ABCB7: variants seen among roughly 807,000 people sequenced by gnomAD.
ABCB7 encodes iron-sulfur clusters transporter ABCB7, mitochondrial.
In ABCB7, 7 loss-of-function variants were observed where a neutral mutation model predicts 54.4. That is an observed-to-expected ratio of 0.13 (90% CI 0.07 to 0.24). ABCB7 has a LOEUF of 0.24. Among genes scored for constraint, ABCB7 ranks in the 10% least tolerant of loss-of-function variants. The probability of loss-of-function intolerance (pLI) is 1.00; values close to 1 mark genes in which losing one functional copy is unlikely to be tolerated. For synonymous variants in ABCB7, 218 were observed against 207.1 expected (o/e 1.05, Z -0.45); for missense variants, 356 against 570.4 (o/e 0.62, Z 3.83).
Position 75,077,140 on chromosome X carries a change from T to A in ABCB7, c.454-486A>T, listed in dbSNP as rs5981319. Among the ~76,000 whole-genome samples, 6 of 111,827 alleles carry A rather than the reference T, an allele frequency of 5.4e-5. 1 individual carries two copies. In the South Asian group the frequency reaches 2.2e-3, roughly 41 times the overall value. On this transcript the variant is annotated intron_variant, in intron 4 of 15. Transcript: ENST00000373394. ...AAATATTTTTAAAATAATTTGGTCA[T>A]CAAAATAATGGTAAACTAAATTACA...
At chrX:75,108,831 A>G (rs761169622) in intron 3 of ABCB7, among the ~76,000 whole-genome samples, 2 of 111,570 alleles carry the variant, frequency 1.8e-5, no homozygotes, top group Non-Finnish European at 3.8e-5. Context: ...TCCATTAATT[A>G]ATTAATGTAT....
At chrX:75,059,228 C>T (rs1222614711) in intron 15 of ABCB7, among the ~76,000 whole-genome samples, 1 of 110,630 alleles carries the variant, frequency 9.0e-6, no homozygotes, top group African/African-American at 3.3e-5. Context: ...GTAATCCCAG[C>T]GCACTTTGGG....
chrX:75,075,939 GT>G (rs984944848), intron 5 of ABCB7, among the ~76,000 whole-genome samples: 1 of 110,908 alleles, frequency 9.0e-6, no homozygotes, highest in African/African-American at 3.3e-5. Flanking sequence ...GTCTGTTGAG[GT>G]TTTTTTTATC....
At chrX:75,088,125 C>T (rs754332861) in intron 4 of ABCB7, among the ~76,000 whole-genome samples, 49 of 111,981 alleles carry the variant, frequency 4.4e-4, no homozygotes, top group Non-Finnish European at 8.1e-4. Context: ...ATTTGTCTAG[C>T]CCCCGTTTAG....
At chrX:75,061,923 G>T (rs756827859) in intron 14 of ABCB7, among the ~76,000 whole-genome samples, 86 of 112,082 alleles carry the variant, frequency 7.7e-4, no homozygotes, top group Non-Finnish European at 1.3e-3. Context: ...AAGGCTTTCT[G>T]GTATGTACCA....
chrX:75,119,485 T>A (rs2081855296), intron 1 of ABCB7, among the ~76,000 whole-genome samples: 1 of 112,414 alleles, frequency 8.9e-6, no homozygotes, highest in African/African-American at 3.2e-5. Flanking sequence ...TTAACAAAAA[T>A]TTTTGTAAAG....
intron 2 of ABCB7, 144 bp from the exon 3 acceptor site, chrX:75,113,116 C>T: frequency 2.1e-6 from 1 of 484,162 alleles, no homozygotes; most frequent in South Asian, 3.0e-5. Context: ...TAAAGCAAAA[C>T]ACCTCCACAA....
chrX:75,090,408 C>G (rs1231546924), intron 4 of ABCB7, among the ~76,000 whole-genome samples: 1 of 110,164 alleles, frequency 9.1e-6, no homozygotes, highest in Non-Finnish European at 1.9e-5. Context: ...GGGTCAAAGA[C>G]TAAAGAGAAA....
chrX:75,084,870 C>G (rs1196116357), intron 4 of ABCB7, among the ~76,000 whole-genome samples: 1 of 111,888 alleles, frequency 8.9e-6, no homozygotes. Context: ...ACTAAATACA[C>G]ACAATGCTGC....
intron 4 of ABCB7, among the ~76,000 whole-genome samples, chrX:75,096,027 C>A (rs916642862): frequency 2.7e-5 from 3 of 111,849 alleles, no homozygotes; most frequent in African/African-American, 9.7e-5. Context: ...CTAACCTGTT[C>A]TCTTCAATTA....
At chrX:75,104,634 A>G (rs995594505) in intron 3 of ABCB7, among the ~76,000 whole-genome samples, 1 of 111,349 alleles carries the variant, frequency 9.0e-6, no homozygotes, top group Admixed American at 9.5e-5. Flanking sequence ...AACTGGCACT[A>G]ATCCTACTGA....
rs151237478 is a variant in ABCB7, at chrX:75,149,825, T to C, written c.168+6280A>G. ...GACCTTTGAACTAACATTTGAAAAA[T>C]AGGCACCAGTTAGAGAGAGGGCATT... On this transcript the variant is annotated intron_variant, in intron 1 of 15. Coordinates refer to ENST00000373394, the MANE Select transcript of ABCB7 (RefSeq NM_001271696.3). Among the ~76,000 whole-genome samples the C allele has an allele frequency of 6.7e-3, 741 of 110,003 alleles. 11 individuals are homozygous for C. The highest frequency in any genetic ancestry group is 0.023 in the African/African-American group (696 of 30,288).
intron 12 of ABCB7, among the ~76,000 whole-genome samples, chrX:75,065,866 G>A (rs1351074180): frequency 9.0e-6 from 1 of 111,023 alleles, no homozygotes; most frequent in African/African-American, 3.3e-5. Flanking sequence ...ATAAGTACAC[G>A]CTAACCAATA....
At chrX:75,065,661 A>C (rs1457606132) in intron 12 of ABCB7, among the ~76,000 whole-genome samples, 1 of 112,200 alleles carries the variant, frequency 8.9e-6, no homozygotes, top group Non-Finnish European at 1.9e-5. Context: ...CTACTGATGG[A>C]CATTAATGTG....
At chrX:75,141,312 GA>G in intron 1 of ABCB7, among the ~76,000 whole-genome samples, 2 of 111,723 alleles carry the variant, frequency 1.8e-5, no homozygotes, top group Middle Eastern at 4.6e-3. Flanking sequence ...AAAATATAGA[GA>G]AGATGACAGA....
At chrX:75,056,342 A>G (rs1348439368) in intron 15 of ABCB7, among the ~76,000 whole-genome samples, 1 of 111,860 alleles carries the variant, frequency 8.9e-6, no homozygotes, top group Non-Finnish European at 1.9e-5. Flanking sequence ...CTTTCTTCCT[A>G]AAGGGGAATT....
intron 1 of ABCB7, among the ~76,000 whole-genome samples, chrX:75,145,545 A>G (rs2082084728): frequency 8.9e-6 from 1 of 111,832 alleles, no homozygotes; most frequent in South Asian, 3.7e-4. Context: ...CATGTTAAAA[A>G]CTCTCAATAA....
In ABCB7 at chrX:75,147,209, G is replaced by T. The variant is rs1163169944; in HGVS notation, c.168+8896C>A. Among the ~76,000 whole-genome samples, 3 of 111,546 alleles carry T rather than the reference G, an allele frequency of 2.7e-5. No homozygotes were observed. In the East Asian group the frequency reaches 8.4e-4, roughly 31 times the overall value. The stretch of plus-strand genomic sequence containing the variant: ...TATGAAGAAAAAGGAACACTTATAT[G>T]CACTGTTGGTGGGAGTGTAAATTAG... On this transcript the variant is annotated intron_variant, in intron 1 of 15. Transcript: ENST00000373394.
At chrX:75,139,060 C>CT (rs1214322698) in intron 1 of ABCB7, among the ~76,000 whole-genome samples, 1 of 106,384 alleles carries the variant, frequency 9.4e-6, no homozygotes. Flanking sequence ...GGATCTGAAA[C>CT]TATTTTTAAG....
Sources: allele counts gnomAD v4.1 joint callset (sites outside exome capture counted in the v4.1 genomes callset), GRCh38; gene constraint gnomAD v4.1.1; transcripts MANE v1.5; gene names NCBI Gene and HGNC (gene_info 2026-07-23, HGNC 2026-07-21).